Variants in HERC2 observed in about 807,000 individuals in gnomAD.
The protein encoded by HERC2 is HECT and RLD domain containing E3 ubiquitin protein ligase 2, also known as E3 ubiquitin-protein ligase HERC2.
A neutral mutation model predicts 537.7 loss-of-function variants in HERC2; 102 were observed. The ratio of observed to expected loss-of-function variants is 0.19; its 90% confidence interval spans 0.16 to 0.22. The LOEUF (loss-of-function observed/expected upper bound fraction) is 0.22. Ranked by LOEUF, HERC2 falls within the 10% of genes least tolerant of loss-of-function variation. The probability of loss-of-function intolerance (pLI) is 1.00; values close to 1 mark genes in which losing one functional copy is unlikely to be tolerated. For missense variants in HERC2, 4,236 were observed against 6,198.2 expected (o/e 0.68, Z 10.63); for synonymous variants, 2,224 against 2,466.2 (o/e 0.90, Z 2.91).
At chr15:28,116,592 A>C in intron 88 of HERC2, 73 bp downstream of exon 88, 1 of 1,348,530 alleles carries the variant, frequency 7.4e-7, no homozygotes, top group Non-Finnish European at 1.0e-6. Flanking sequence ...CACTCCTCAA[A>C]CAGATAGTAC....
chr15:28,230,271 T>C, intron 31 of HERC2, 96 bp downstream of exon 31: 2 of 1,246,680 alleles, frequency 1.6e-6, no homozygotes, highest in Non-Finnish European at 2.3e-6. Flanking sequence ...CAACCGCCCG[T>C]CCCTCCCTCC....
At chr15:28,161,422 T>C (rs1893579890) in intron 69 of HERC2, among the ~76,000 whole-genome samples, 1 of 152,184 alleles carries the variant, frequency 6.6e-6, no homozygotes. Flanking sequence ...GGATGAAGTG[T>C]CTGCAGCCAG....
In HERC2 at chr15:28,176,493, C is replaced by T. The variant is rs1383571795; in HGVS notation, c.9621G>A (p.Val3207=). 6 of 1,614,204 alleles carry T rather than the reference C, an allele frequency of 3.7e-6. No individual in the cohort carries two copies. Among genetic ancestry groups the T allele is most frequent in the Admixed American group, 3.3e-5 (2 of 60,032 alleles). ...ACTGAGCTCCACACTCAATCTGGCACACCCCCTGTCCATTTAGTCTCTCAA... is the reference window on the plus strand; with the variant it reads ...ACTGAGCTCCACACTCAATCTGGCATACCCCCTGTCCATTTAGTCTCTCAA... ...QNIERLNGQG[V]CQIECGAQFS... is the part of the protein sequence containing the mutation. The change falls in exon 63 of 93, where the codon GTG becomes GTA. Residue 3207 remains valine, a synonymous_variant. Coordinates refer to ENST00000261609, the MANE Select transcript of HERC2 (RefSeq NM_004667.6). The surrounding 1 kb of genome is among the most constrained non-coding windows in gnomAD (Gnocchi z 5.0).
rs139612007 is a variant in HERC2, at chr15:28,265,670, G to A, written c.1818C>T (p.Ile606=). ...CATCCCCACTCCCACACGCCACATCGATGACCTTCAGTCCTTTAAGCCCGG... is the reference window on the plus strand; with the variant it reads ...CATCCCCACTCCCACACGCCACATCAATGACCTTCAGTCCTTTAAGCCCGG... The part of the protein sequence containing the change: ...LVAGLKGLKV[I]DVACGSGDAQ... Residue 606 remains isoleucine (I), a synonymous_variant, in exon 14 of 93, where the codon ATC becomes ATT. Transcript: ENST00000261609. The surrounding 1 kb of genome is among the most constrained non-coding windows in gnomAD (Gnocchi z 4.0). 133 of 1,614,126 alleles carry A rather than the reference G, an allele frequency of 8.2e-5. No homozygotes were observed. Among genetic ancestry groups the A allele is most frequent in the Admixed American group, 2.8e-4 (17 of 60,020 alleles).
At chr15:28,260,638 G>C (rs2075391480) in intron 16 of HERC2, 139 bp downstream of exon 16, 2 of 667,452 alleles carry the variant, frequency 3.0e-6, no homozygotes, top group African/African-American at 3.6e-5. Context: ...CTACAGTGAA[G>C]CTCATAATAA....
At chr15:28,278,005 C>T (rs2075921382) in intron 5 of HERC2, among the ~76,000 whole-genome samples, 1 of 151,982 alleles carries the variant, frequency 6.6e-6, no homozygotes, top group South Asian at 2.1e-4. Flanking sequence ...CCTATAATCC[C>T]AACCCTTTGG....
Position 28,246,071 on chromosome 15 carries a change from AT to A in HERC2, c.3392-6del. The A allele has an allele frequency of 6.4e-7, 1 of 1,554,984 alleles. No individual in the cohort carries two copies. Among genetic ancestry groups the A allele is most frequent in the Non-Finnish European group, 8.8e-7 (1 of 1,139,104 alleles). On this transcript the variant is annotated splice_polypyrimidine_tract_variant and splice_region_variant and intron_variant, in intron 22 of 92. Transcript: ENST00000261609. Reference sequence around the variant, plus strand: ...CTAGTTCTGGAAGGAGAACACCTACATTTAAGAAATAATAAGATTTAAATAA... The same window carrying A: ...CTAGTTCTGGAAGGAGAACACCTACATTAAGAAATAATAAGATTTAAATAA...
At chr15:28,290,669 C>T (rs2076286781) in intron 4 of HERC2, among the ~76,000 whole-genome samples, 2 of 152,188 alleles carry the variant, frequency 1.3e-5, no homozygotes, top group Non-Finnish European at 2.9e-5. Context: ...ATTTGAAAAT[C>T]CCCAAATACT....
chr15:28,254,685 T>C (rs532756441), intron 19 of HERC2, among the ~76,000 whole-genome samples, 167 bp from the exon 20 acceptor site: 4 of 152,290 alleles, frequency 2.6e-5, no homozygotes, highest in Non-Finnish European at 4.4e-5. Flanking sequence ...CCTAACTCAG[T>C]TGTGCAGTTT....
At chr15:28,228,843 T>C (rs1278757255) in intron 34 of HERC2, among the ~76,000 whole-genome samples, 1 of 152,216 alleles carries the variant, frequency 6.6e-6, no homozygotes, top group East Asian at 1.9e-4. Context: ...ATTTCGAATA[T>C]AAAAGTTATG....
chr15:28,227,110 A>T (rs1901268488), intron 35 of HERC2, among the ~76,000 whole-genome samples: 1 of 152,134 alleles, frequency 6.6e-6, no homozygotes. Context: ...CCCCATCTCT[A>T]CTAAAAATAT....
rs2428650 is a variant in HERC2 at position 28,230,224 on chromosome 15, C to T, written c.4809+143G>A. On this transcript the variant is annotated intron_variant, in intron 31 of 92. Transcript: ENST00000261609. ...ACAGCTCTGACCAGGACATCATAAG[C>T]CAAGTTCATGAAGCATCACTGGGGC... The T allele has an allele frequency of 0.021, 17,156 of 818,288 alleles. 2,706 individuals carry two copies. In the African/African-American group the frequency reaches 0.27, roughly 13 times the overall value. The allele number at this position is 818,288 out of a possible 1,614,324, so 50.7% of individuals were successfully genotyped here.
chr15:28,228,442 G>C, intron 34 of HERC2, 33 bp from the exon 35 acceptor site: 2 of 1,594,712 alleles, frequency 1.3e-6, no homozygotes, highest in Non-Finnish European at 1.7e-6. Flanking sequence ...GACATTTCTT[G>C]TGATGGATAC....
At chr15:28,175,490 C>G in intron 64 of HERC2, 22 bp downstream of exon 64, 3 of 1,599,632 alleles carry the variant, frequency 1.9e-6, no homozygotes, top group Non-Finnish European at 2.6e-6. Context: ...GCACGCCACC[C>G]CCAGGCCACC....
At position 28,176,803 on chromosome 15, in the gene HERC2, A is replaced by G. The variant is rs369702521; in HGVS notation, c.9433-35T>C. Reference sequence around the variant, plus strand: ...TACAAATTTAAAAACAGAATCACGCACAGGCACGGAGAAAGCAATGGATTT... The same window carrying G: ...TACAAATTTAAAAACAGAATCACGCGCAGGCACGGAGAAAGCAATGGATTT... On this transcript the variant is annotated intron_variant, in intron 61 of 92. Transcript: ENST00000261609. This position sits in a 1 kb window ranked among gnomAD's most constrained non-coding sequence, Gnocchi z 5.0. The G allele has an allele frequency of 6.2e-7, 1 of 1,602,344 alleles. No individual in the cohort carries two copies. The highest frequency in any genetic ancestry group is 1.3e-5 in the African/African-American group (1 of 74,702).
At chr15:28,116,359 G>T (rs889177802) in intron 88 of HERC2, among the ~76,000 whole-genome samples, 1 of 151,792 alleles carries the variant, frequency 6.6e-6, no homozygotes, top group Non-Finnish European at 1.5e-5. Flanking sequence ...GACTACAGGT[G>T]CATGCCACCA....
At chr15:28,230,344 C>T in intron 31 of HERC2, 23 bp downstream of exon 31, 11 of 1,581,852 alleles carry the variant, frequency 7.0e-6, no homozygotes, top group Non-Finnish European at 8.6e-6. Flanking sequence ...CAGCCAACCT[C>T]AGAATCACAG....
At chr15:28,299,594 A>T (rs1022308589) in intron 2 of HERC2, 78 bp from the exon 3 acceptor site, 3 of 747,888 alleles carry the variant, frequency 4.0e-6, no homozygotes, top group Non-Finnish European at 7.2e-6. Context: ...ATGGGAAAAA[A>T]ATCTCAATCC....
chr15:28,245,809 A>G (rs933501935), intron 23 of HERC2, 72 bp downstream of exon 23: 2 of 1,300,422 alleles, frequency 1.5e-6, no homozygotes, highest in African/African-American at 1.5e-5. Flanking sequence ...ATTCTTTCAA[A>G]TTGAAAGGCA....
Sources: allele counts gnomAD v4.1 joint callset (sites outside exome capture counted in the v4.1 genomes callset), GRCh38; gene constraint gnomAD v4.1.1; non-coding constraint Gnocchi (gnomAD v3.1); transcripts MANE v1.5; gene names NCBI Gene and HGNC (gene_info 2026-07-23, HGNC 2026-07-21).